The following SMOC1 variants were observed in gnomAD, a reference collection of about 807,000 sequenced individuals.
SMOC1 encodes the protein SPARC related modular calcium binding 1.
Under a neutral mutation model 56.3 loss-of-function variants are expected in SMOC1, and 22 were observed. The observed-to-expected ratio is 0.39, with a 90% CI of 0.28 to 0.56. The LOEUF (loss-of-function observed/expected upper bound fraction) is 0.56, where lower values mean the gene tolerates loss of function less well. Ranked by LOEUF, SMOC1 falls within the 20% of genes least tolerant of loss-of-function variation. The pLI is 0.61. For missense variants in SMOC1, 509 were observed against 565.4 expected, an observed-to-expected ratio of 0.90 and a Z score of 1.01; for synonymous variants, 193 against 215.0, an observed-to-expected ratio of 0.90 and a Z score of 0.89.
chr14:70,021,534 G>T (rs927845457), intron 10 of SMOC1, among the ~76,000 whole-genome samples: 1 of 152,144 alleles, frequency 6.6e-6, no homozygotes, highest in African/African-American at 2.4e-5. Flanking sequence ...GCTCTCCACG[G>T]CTCCCTCACA....
chr14:69,988,657 A>G (rs1473315071), intron 5 of SMOC1, among the ~76,000 whole-genome samples: 8 of 152,204 alleles, frequency 5.3e-5, no homozygotes, highest in Non-Finnish European at 1.0e-4. Flanking sequence ...ACCAGAGAAC[A>G]TCTCCATCAC....
chr14:69,892,669 A>G (rs1883994362), intron 1 of SMOC1, among the ~76,000 whole-genome samples: 1 of 152,180 alleles, frequency 6.6e-6, no homozygotes, highest in African/African-American at 2.4e-5. Context: ...TCCCTTGCTC[A>G]GATTATTTTG....
chr14:70,018,738 C>T (rs1051181052), intron 10 of SMOC1, among the ~76,000 whole-genome samples: 2 of 152,198 alleles, frequency 1.3e-5, no homozygotes, highest in Admixed American at 6.5e-5. Context: ...GTGGGAAGGG[C>T]TGTGTGAGCC....
chr14:69,916,462 A>G (rs919960299), intron 1 of SMOC1, among the ~76,000 whole-genome samples: 2 of 152,040 alleles, frequency 1.3e-5, no homozygotes, highest in South Asian at 2.1e-4. Flanking sequence ...TGTAGATCAG[A>G]TCATTCACTC....
intron 7 of SMOC1, among the ~76,000 whole-genome samples, chr14:70,003,023 G>A (rs943570711): frequency 2.6e-5 from 4 of 152,124 alleles, no homozygotes; most frequent in South Asian, 2.1e-4. Flanking sequence ...GAACACTCCC[G>A]ACACCACACT....
At chr14:69,973,133 T>C (rs1330518132) in intron 3 of SMOC1, among the ~76,000 whole-genome samples, 1 of 152,214 alleles carries the variant, frequency 6.6e-6, no homozygotes, top group Non-Finnish European at 1.5e-5. Context: ...TTAGGAAATA[T>C]CCCCTCTAGG....
chr14:69,962,284 T>G (rs1883411982), intron 3 of SMOC1, among the ~76,000 whole-genome samples: 1 of 152,020 alleles, frequency 6.6e-6, no homozygotes, highest in Non-Finnish European at 1.5e-5. Flanking sequence ...TGACTCAGCC[T>G]CTGGAATTGC....
intron 1 of SMOC1, among the ~76,000 whole-genome samples, chr14:69,941,126 A>G (rs143982626): frequency 6.6e-6 from 1 of 152,150 alleles, no homozygotes; most frequent in Admixed American, 6.5e-5. Context: ...ACGAGGATGC[A>G]TGCTTCTGGC....
At chr14:70,020,656 G>A (rs564030878) in intron 10 of SMOC1, among the ~76,000 whole-genome samples, 2 of 152,300 alleles carry the variant, frequency 1.3e-5, no homozygotes, top group African/African-American at 2.4e-5. Context: ...AGCCAGGCAG[G>A]GTGGGGGGCA....
chr14:69,977,249 G>T (rs1883996554), intron 4 of SMOC1, among the ~76,000 whole-genome samples: 1 of 152,254 alleles, frequency 6.6e-6, no homozygotes, highest in African/African-American at 2.4e-5. Context: ...GACCTCAGCA[G>T]AAGACAGGTG....
At chr14:69,896,199 C>T (rs866600857) in intron 1 of SMOC1, among the ~76,000 whole-genome samples, 1 of 152,168 alleles carries the variant, frequency 6.6e-6, no homozygotes, top group Admixed American at 6.5e-5. Flanking sequence ...ATGAAATTCA[C>T]CTCCCATCTC....
chr14:69,944,898 T>C (rs1882724473), intron 1 of SMOC1, among the ~76,000 whole-genome samples: 1 of 152,208 alleles, frequency 6.6e-6, no homozygotes, highest in South Asian at 2.1e-4. Flanking sequence ...TTCATTTCCA[T>C]TATTCCAAGG....
intron 1 of SMOC1, among the ~76,000 whole-genome samples, chr14:69,880,892 C>T (rs1283419045): frequency 6.6e-6 from 1 of 152,194 alleles, no homozygotes; most frequent in African/African-American, 2.4e-5. Flanking sequence ...TTATAGCTGT[C>T]GTGTGGAGAA....
chr14:69,999,640 T>C (rs1474897364), intron 7 of SMOC1, among the ~76,000 whole-genome samples: 1 of 152,198 alleles, frequency 6.6e-6, no homozygotes, highest in Non-Finnish European at 1.5e-5. Flanking sequence ...TGGTCAATCA[T>C]GGCCAGTAGA....
intron 1 of SMOC1, among the ~76,000 whole-genome samples, chr14:69,930,234 ACCTCTGCAC>A (rs1885131360): frequency 6.7e-6 from 1 of 148,364 alleles, no homozygotes; most frequent in African/African-American, 2.5e-5. Context: ...CACCCTTCCC[ACCTCTGCAC>A]CTCTCCAGCC....
intron 1 of SMOC1, among the ~76,000 whole-genome samples, chr14:69,939,425 C>T (rs1402882645): frequency 6.6e-6 from 1 of 152,160 alleles, no homozygotes; most frequent in East Asian, 1.9e-4. Flanking sequence ...TCCCTCCTAC[C>T]ACATGTGGGG....
At chr14:69,975,976 A>C (rs895662931) in intron 4 of SMOC1, among the ~76,000 whole-genome samples, 162 bp downstream of exon 4, 4 of 152,224 alleles carry the variant, frequency 2.6e-5, no homozygotes, top group African/African-American at 9.6e-5. Context: ...GGAAGTCAGC[A>C]AATGATAAGG....
At chr14:70,004,329 G>C (rs564421220) in intron 7 of SMOC1, among the ~76,000 whole-genome samples, 1 of 152,186 alleles carries the variant, frequency 6.6e-6, no homozygotes, top group Non-Finnish European at 1.5e-5. Context: ...ATCCTGCCCA[G>C]TTGTTTGGCC....
chr14:69,887,385 G>T (rs1304615155), intron 1 of SMOC1, among the ~76,000 whole-genome samples: 1 of 152,166 alleles, frequency 6.6e-6, no homozygotes, highest in Non-Finnish European at 1.5e-5. Flanking sequence ...CCATATGGTT[G>T]GTGTGGGTTG....
Sources: gnomAD v4.1 joint callset for allele counts (sites outside exome capture counted in the v4.1 genomes callset) on GRCh38, gnomAD v4.1.1 for gene constraint, MANE v1.5 for transcripts, NCBI Gene and HGNC (gene_info 2026-07-23, HGNC 2026-07-21) for gene names.